KIAA1614: variants seen among roughly 807,000 people sequenced by gnomAD.
KIAA1614 encodes the protein uncharacterized protein KIAA1614.
A neutral mutation model predicts 88.7 loss-of-function variants in KIAA1614; 76 were observed. The observed-to-expected ratio is 0.86, with a 90% confidence interval of 0.71 to 1.04. The LOEUF is 1.04. Ranked by LOEUF, KIAA1614 falls within the 50% of genes least tolerant of loss-of-function variation. KIAA1614 has a pLI of 0.00. For missense variants in KIAA1614, 1,553 were observed against 1,582.5 expected, an observed-to-expected ratio of 0.98 and a Z score of 0.32; for synonymous variants, 714 against 675.5, an observed-to-expected ratio of 1.06 and a Z score of -0.88.
chr1:180,922,526 G>A (rs1571286497), intron 3 of KIAA1614, among the ~76,000 whole-genome samples: 1 of 152,304 alleles, frequency 6.6e-6, no homozygotes, highest in Middle Eastern at 3.4e-3. Flanking sequence ...TAGACTCTAA[G>A]TTAAAGACAG....
Position 180,941,377 on chromosome 1 carries a change from G to A in KIAA1614, c.3159+92G>A, listed in dbSNP as rs184240150. ...GTGAAAGGAGGGAGGAGGTGATGAG[G>A]ATGCCTCCCAAGGAGCCCACAGTAG... On this transcript the variant is annotated intron_variant, in intron 7 of 8. Transcript: ENST00000367588. The A allele has an allele frequency of 2.0e-3, 2,884 of 1,460,314 alleles. 8 individuals are homozygous for A. The highest frequency in any genetic ancestry group is 3.3e-3 in the South Asian group (245 of 74,824). The allele number at this position is 1,460,314 out of a possible 1,614,324, so 90.5% of individuals were successfully genotyped here.
intron 3 of KIAA1614, among the ~76,000 whole-genome samples, chr1:180,921,529 C>T (rs1026083152): frequency 5.9e-5 from 9 of 152,092 alleles, no homozygotes; most frequent in South Asian, 2.1e-4. Context: ...TCAGGGCTGC[C>T]GGCCCCAAGG....
chr1:180,945,002 T>C (rs1654557776), intron 8 of KIAA1614: 1 of 409,020 alleles, frequency 2.4e-6, no homozygotes. Context: ...AAATGTGACA[T>C]AAAGTTATAC....
intron 3 of KIAA1614, among the ~76,000 whole-genome samples, chr1:180,925,964 C>T (rs554634641): frequency 6.6e-5 from 10 of 152,190 alleles, no homozygotes; most frequent in Non-Finnish European, 1.5e-4. Context: ...GAGTCCTCTC[C>T]CCTCTCCAGC....
intron 8 of KIAA1614, 198 bp downstream of exon 8, chr1:180,944,714 T>C (rs1446912819): frequency 3.3e-5 from 17 of 509,024 alleles, no homozygotes; most frequent in South Asian, 2.8e-5. Flanking sequence ...CCTCGGTGCA[T>C]TGGGCTCTGA....
chr1:180,946,536 T>A lies in KIAA1614; in HGVS notation c.*948T>A, dbSNP rs1306365438. Reference sequence around the variant, plus strand: ...GTCCAGAATGCATCTCAAGGGCCCATAAAAGACATTCCCCAGAGGATCAGG... The same window carrying A: ...GTCCAGAATGCATCTCAAGGGCCCAAAAAAGACATTCCCCAGAGGATCAGG... On this transcript the variant is annotated 3_prime_UTR_variant, in exon 9 of 9. Transcript: ENST00000367588. 3 of 151,418 alleles carry A rather than the reference T, an allele frequency of 2.0e-5. No individual in the cohort carries two copies. Among genetic ancestry groups the A allele is most frequent in the African/African-American group, 7.3e-5 (3 of 41,036 alleles). 9.4% of individuals were successfully genotyped at this position (151,418 alleles called of 1,614,324 possible). A position where few individuals can be genotyped will look rare whatever the true frequency, so the allele number is the denominator to read the frequency against.
At chr1:180,929,669 C>T (rs909174843) in intron 4 of KIAA1614, among the ~76,000 whole-genome samples, 4 of 152,234 alleles carry the variant, frequency 2.6e-5, no homozygotes, top group Non-Finnish European at 5.9e-5. Flanking sequence ...TTTGAAGAAT[C>T]ACTTACATGT....
chr1:180,923,932 G>C (rs1313093802), intron 3 of KIAA1614, among the ~76,000 whole-genome samples: 1 of 150,624 alleles, frequency 6.6e-6, no homozygotes, highest in Non-Finnish European at 1.5e-5. Flanking sequence ...CACGCACAAA[G>C]GAAAGCCCCC....
chr1:180,928,618 G>A (rs2102264505), intron 4 of KIAA1614, 45 bp downstream of exon 4: 1 of 1,587,666 alleles, frequency 6.3e-7, no homozygotes, highest in East Asian at 2.3e-5. Context: ...GCCATAGCAG[G>A]GAAGAGTCAG....
chr1:180,936,127 C>G lies in KIAA1614; in HGVS notation c.2218C>G (p.Arg740Gly), dbSNP rs17302207. The change falls in exon 5 of 9, where the codon CGG becomes GGG. Residue 740 changes from arginine (R) to glycine (G), a missense_variant. By Grantham distance (125) the Arg-to-Gly change is moderately radical. Transcript: ENST00000367588. ...TCACCAGCCTCACCCTTTGGATTCC[C>G]GGACTCCATGCAGGACAGCCTATGC... is the stretch of plus-strand genomic sequence containing the variant. ...GSHQPHPLDS[R>G]TPCRTAYATT... 6.2e-7 allele frequency: 1 copy of G among 1,614,122 alleles called. No individual in the cohort carries two copies. The highest frequency in any genetic ancestry group is 8.5e-7 in the Non-Finnish European group (1 of 1,180,002).
At chr1:180,919,214 A>C (rs948023483) in intron 3 of KIAA1614, among the ~76,000 whole-genome samples, 1 of 152,144 alleles carries the variant, frequency 6.6e-6, no homozygotes, top group African/African-American at 2.4e-5. Flanking sequence ...GCCCAGGTTC[A>C]TGTGATTGGG....
intron 3 of KIAA1614, among the ~76,000 whole-genome samples, chr1:180,922,513 T>G (rs571704583): frequency 6.6e-6 from 1 of 152,180 alleles, no homozygotes; most frequent in East Asian, 1.9e-4. Context: ...CTCAAGCAGT[T>G]TCTAGACTCT....
intron 3 of KIAA1614, among the ~76,000 whole-genome samples, chr1:180,918,612 G>A (rs980473582): frequency 5.9e-5 from 9 of 152,154 alleles, no homozygotes; most frequent in Non-Finnish European, 1.2e-4. Flanking sequence ...TCTTTGCGAG[G>A]CTCCTGGTCC....
intron 3 of KIAA1614, among the ~76,000 whole-genome samples, 179 bp downstream of exon 3, chr1:180,918,093 G>A (rs968868481): frequency 2.2e-4 from 34 of 152,224 alleles, no homozygotes; most frequent in Admixed American, 1.2e-3. Flanking sequence ...AACCCCCACC[G>A]CCACATCCCC....
At chr1:180,923,886 ACCAACCCCCAGCTC>A (rs1156929661) in intron 3 of KIAA1614, among the ~76,000 whole-genome samples, 1 of 151,940 alleles carries the variant, frequency 6.6e-6, no homozygotes, top group East Asian at 1.9e-4. Flanking sequence ...GCCTGTCCTT[ACCAACCCCCAGCTC>A]CCATCCTGCC....
At chr1:180,928,338 A>T (rs1240985381) in intron 3 of KIAA1614, 92 bp from the exon 4 acceptor site, 1 of 1,347,214 alleles carries the variant, frequency 7.4e-7, no homozygotes, top group African/African-American at 1.5e-5. Context: ...TTTCTGGCAC[A>T]GCCAGTGCTT....
intron 1 of KIAA1614, 74 bp downstream of exon 1, chr1:180,913,367 C>G: frequency 9.7e-7 from 1 of 1,027,804 alleles, no homozygotes; most frequent in Non-Finnish European, 1.3e-6. Flanking sequence ...AGCGGGGAGC[C>G]CAGGTCGCCC....
rs1041352664 is a variant in KIAA1614, at chr1:180,945,243, A to G, written c.3288-60A>G. ...GGCATCGGTCATCTGTAAGCCAGGG[A>G]AGAGCTGTGCCCAGTGCCTGATGCT... On this transcript the variant is annotated intron_variant, in intron 8 of 8. Coordinates refer to ENST00000367588, the MANE Select transcript of KIAA1614 (RefSeq NM_020950.2). The G allele has an allele frequency of 4.6e-6, 7 of 1,521,392 alleles. No individual in the cohort carries two copies. The African/African-American group carries it at 7.1e-5, about 15-fold the overall frequency. 94.2% of individuals were successfully genotyped at this position (1,521,392 alleles called of 1,614,324 possible). A position where few individuals can be genotyped will look rare whatever the true frequency, so the allele number is the denominator to read the frequency against.
At chr1:180,923,821 T>C (rs1452484352) in intron 3 of KIAA1614, among the ~76,000 whole-genome samples, 2 of 151,844 alleles carry the variant, frequency 1.3e-5, no homozygotes, top group Non-Finnish European at 2.9e-5. Context: ...TAGAGGTGGC[T>C]GAGAACACCC....
Sources: allele counts gnomAD v4.1 joint callset (sites outside exome capture counted in the v4.1 genomes callset), GRCh38; gene constraint gnomAD v4.1.1; transcripts MANE v1.5; gene names NCBI Gene and HGNC (gene_info 2026-07-23, HGNC 2026-07-21).